UNC13C: variants seen among roughly 807,000 people sequenced by gnomAD.
UNC13C encodes the protein protein unc-13 homolog C.
UNC13C carries 174 observed loss-of-function variants against 245.4 expected under a neutral mutation model. The observed-to-expected ratio is 0.71, with a 90% CI of 0.63 to 0.80. UNC13C has a LOEUF of 0.80. Ranked by LOEUF, UNC13C falls within the 30% of genes least tolerant of loss-of-function variation. The probability of loss-of-function intolerance (pLI) is 0.00; values close to 1 mark genes in which losing one functional copy is unlikely to be tolerated. For missense variants in UNC13C, 2,829 were observed against 2,602.9 expected, an observed-to-expected ratio of 1.09 and a Z score of -1.89; for synonymous variants, 992 against 895.1, an observed-to-expected ratio of 1.11 and a Z score of -1.93.
At chr15:53,938,803 C>T in the UNC13C span, among the ~76,000 whole-genome samples, 2 of 152,100 alleles carry the variant, frequency 1.3e-5, no homozygotes, top group African/African-American at 2.4e-5. Context: ...TTTGTTTGTA[C>T]TAATGAGAGC....
chr15:53,957,635 T>C, the UNC13C span, among the ~76,000 whole-genome samples: 1 of 152,228 alleles, frequency 6.6e-6, no homozygotes, highest in Non-Finnish European at 1.5e-5. Flanking sequence ...CAAATCATTT[T>C]GTTTTATAGC....
intron 17 of UNC13C, among the ~76,000 whole-genome samples, chr15:54,341,778 C>T (rs1251047513): frequency 1.3e-5 from 2 of 151,930 alleles, no homozygotes; most frequent in Non-Finnish European, 2.9e-5. Flanking sequence ...AGATCGAGAC[C>T]ATCCTGGCTA....
chr15:53,957,267 G>C, the UNC13C span, among the ~76,000 whole-genome samples: 1 of 152,006 alleles, frequency 6.6e-6, no homozygotes, highest in African/African-American at 2.4e-5. Context: ...TCAGCCTCTT[G>C]AGTAGCTAGG....
chr15:54,169,950 C>T (rs1306844629), intron 4 of UNC13C, among the ~76,000 whole-genome samples: 1 of 151,126 alleles, frequency 6.6e-6, no homozygotes, highest in East Asian at 1.9e-4. Context: ...TCCTCTCCCA[C>T]AAGGTTGTAA....
rs778388134 is a variant in UNC13C, at chr15:54,511,732, T to G, written c.5380-21T>G. ...TATATAAAAAGATTGCTCATAATAG[T>G]CTTTTTTTCTATATTTAAAGCCCTG... On this transcript the variant is annotated intron_variant, in intron 23 of 32. Transcript: ENST00000260323. 35 of 1,542,100 alleles carry G rather than the reference T, an allele frequency of 2.3e-5. No homozygotes were observed. The South Asian group carries it at 3.5e-4, about 15-fold the overall frequency.
chr15:54,109,289 C>T (rs1166674423), intron 2 of UNC13C, among the ~76,000 whole-genome samples: 13 of 77,668 alleles, frequency 1.7e-4, no homozygotes, highest in African/African-American at 5.8e-4. Context: ...CCCTCCCCTC[C>T]CCTCCCTTCC....
chr15:54,182,099 C>T (rs570452411), intron 4 of UNC13C, among the ~76,000 whole-genome samples: 36 of 151,966 alleles, frequency 2.4e-4, no homozygotes, highest in South Asian at 4.1e-4. Flanking sequence ...AGTGAGCATC[C>T]TTGTCTTGTT....
chr15:54,536,927 A>C (rs1180520624), intron 26 of UNC13C, among the ~76,000 whole-genome samples: 1 of 152,150 alleles, frequency 6.6e-6, no homozygotes, highest in African/African-American at 2.4e-5. Flanking sequence ...GAACAAGACA[A>C]GGATGCTCAC....
At chr15:54,089,898 G>T (rs1430655464) in intron 2 of UNC13C, among the ~76,000 whole-genome samples, 2 of 152,116 alleles carry the variant, frequency 1.3e-5, no homozygotes, top group East Asian at 3.9e-4. Flanking sequence ...GAGTGGGAGT[G>T]GAACAAGCGG....
chr15:54,576,635 C>T (rs923401504), intron 30 of UNC13C, among the ~76,000 whole-genome samples: 12 of 152,178 alleles, frequency 7.9e-5, no homozygotes, highest in Non-Finnish European at 4.4e-5. Context: ...TTCCAGGACA[C>T]TCTTTCTAAT....
chr15:54,335,007 G>C (rs566490798), intron 16 of UNC13C, among the ~76,000 whole-genome samples: 22 of 152,190 alleles, frequency 1.4e-4, no homozygotes, highest in Non-Finnish European at 2.4e-4. Flanking sequence ...GAAAGAAAGA[G>C]GAGCATCCTC....
chr15:53,855,683 C>T, the UNC13C span, among the ~76,000 whole-genome samples: 2 of 152,056 alleles, frequency 1.3e-5, no homozygotes, highest in African/African-American at 2.4e-5. Flanking sequence ...CTGCTGGATT[C>T]GATTTGCCAG....
intron 2 of UNC13C, among the ~76,000 whole-genome samples, chr15:54,081,525 T>C (rs1898937952): frequency 6.6e-6 from 1 of 152,144 alleles, no homozygotes; most frequent in Non-Finnish European, 1.5e-5. Flanking sequence ...AATTGAATCC[T>C]TTATCATTAT....
chr15:54,104,239 TA>T (rs1237361680), intron 2 of UNC13C, among the ~76,000 whole-genome samples: 1 of 152,244 alleles, frequency 6.6e-6, no homozygotes, highest in Non-Finnish European at 1.5e-5. Context: ...GCCTGGATTC[TA>T]TATCTTTTCC....
chr15:54,578,863 A>G (rs1850998), intron 30 of UNC13C, among the ~76,000 whole-genome samples: 94,479 of 152,032 alleles, frequency 0.62, 31,752 homozygotes, highest in African/African-American at 0.89. Context: ...GAATTAGCCG[A>G]GCATGGTGAA....
downstream of UNC13C, chr15:54,632,137 G>A (rs1179979614): frequency 3.3e-5 from 5 of 152,040 alleles, no homozygotes; most frequent in African/African-American, 7.2e-5. Context: ...CATATATTTT[G>A]TTTAGTGAAG....
chr15:54,391,226 C>T (rs1214529225), intron 17 of UNC13C, among the ~76,000 whole-genome samples: 1 of 152,008 alleles, frequency 6.6e-6, no homozygotes, highest in African/African-American at 2.4e-5. Flanking sequence ...TGGCTATGTA[C>T]ATATGACGAT....
intron 17 of UNC13C, among the ~76,000 whole-genome samples, chr15:54,357,925 T>C (rs1511791): frequency 0.47 from 71,260 of 151,854 alleles, 17,104 homozygotes; most frequent in East Asian, 0.74. Flanking sequence ...ATCTTTATTA[T>C]TATCAAAAGC....
the UNC13C span, among the ~76,000 whole-genome samples, chr15:53,916,206 A>C: frequency 6.6e-6 from 1 of 152,166 alleles, no homozygotes; most frequent in Admixed American, 6.5e-5. Flanking sequence ...TATTAGCTAT[A>C]CCTAAACTTG....
Sources: allele counts gnomAD v4.1 joint callset (sites outside exome capture counted in the v4.1 genomes callset), GRCh38; gene constraint gnomAD v4.1.1; transcripts MANE v1.5; gene names NCBI Gene and HGNC (gene_info 2026-07-23, HGNC 2026-07-21).